The following LRRC53 variants were observed in gnomAD, a reference collection of about 807,000 sequenced individuals.
LRRC53 encodes leucine rich repeat containing 53.
Under a neutral mutation model 13.6 loss-of-function variants are expected in LRRC53, and 25 were observed. The observed-to-expected ratio is 1.83, with a 90% CI of 1.34 to 2.56. LRRC53 has a LOEUF of 2.56. LRRC53 is among the 30% of genes most tolerant of loss of function. The probability of loss-of-function intolerance (pLI) is 0.00; values close to 1 mark genes in which losing one functional copy is unlikely to be tolerated. For missense variants in LRRC53, 527 were observed against 275.8 expected (o/e 1.91, Z -6.45); for synonymous variants, 204 against 109.8 (o/e 1.86, Z -5.37).
chr1:74,530,566 G>T, the LRRC53 span, among the ~76,000 whole-genome samples: 1 of 152,080 alleles, frequency 6.6e-6, no homozygotes, highest in Non-Finnish European at 1.5e-5. Context: ...AGAATTCTAG[G>T]TTATAGTCTT....
chr1:74,528,667 T>C, the LRRC53 span, among the ~76,000 whole-genome samples: 3 of 152,326 alleles, frequency 2.0e-5, no homozygotes, highest in African/African-American at 7.2e-5. Context: ...GAACTGGAGA[T>C]GTTGCTGGAA....
In LRRC53 at chr1:74,498,804, G is replaced by A. The variant is rs377720746; in HGVS notation, c.-27+13722C>T. Among the ~76,000 whole-genome samples, 263 of 152,166 alleles carry A rather than the reference G, an allele frequency of 1.7e-3. 8 individuals are homozygous for A. In the South Asian group the frequency reaches 0.053, roughly 31 times the overall value. ...AAAAGGATAGAATATAGGTGACTAA[G>A]ATGTGTGAGGAGAAAAGTGACTACC... is the stretch of plus-strand genomic sequence containing the variant. On this transcript the variant is annotated intron_variant, in intron 1 of 4. Transcript: ENST00000294635.
intron 1 of LRRC53, among the ~76,000 whole-genome samples, chr1:74,493,772 T>C (rs961669619): frequency 7.2e-5 from 11 of 152,184 alleles, no homozygotes; most frequent in Admixed American, 5.2e-4. Context: ...AGACAAAGGC[T>C]AGTAACTCAA....
chr1:74,522,947 G>T, the LRRC53 span, among the ~76,000 whole-genome samples: 1 of 152,152 alleles, frequency 6.6e-6, no homozygotes, highest in Non-Finnish European at 1.5e-5. Context: ...AAGCCCAACT[G>T]CCCACTGGAA....
chr1:74,510,535 A>G (rs1670135418), intron 1 of LRRC53, among the ~76,000 whole-genome samples: 1 of 152,134 alleles, frequency 6.6e-6, no homozygotes, highest in Non-Finnish European at 1.5e-5. Context: ...GAAAAAAATT[A>G]TTGAGAGATT....
chr1:74,472,215 A>C lies in LRRC53; in HGVS notation c.1421-14T>G, dbSNP rs1667971110. The C allele has an allele frequency of 1.4e-6, 1 of 715,972 alleles. No homozygotes were observed. The highest frequency in any genetic ancestry group is 2.6e-6 in the Non-Finnish European group (1 of 384,338). The allele number at this position is 715,972 out of a possible 1,614,324, so 44.4% of individuals were successfully genotyped here. A position where few individuals can be genotyped will look rare whatever the true frequency, so the allele number is the denominator to read the frequency against. ...CACTGCTGATATCTGTGGAACAATA[A>C]ATGCAAGAATTTAGCACTTAGCAGA... On this transcript the variant is annotated splice_polypyrimidine_tract_variant and intron_variant, in intron 4 of 4. Transcript: ENST00000294635.
intron 3 of LRRC53, among the ~76,000 whole-genome samples, chr1:74,476,886 T>G (rs1053543257): frequency 6.6e-6 from 1 of 152,160 alleles, no homozygotes; most frequent in African/African-American, 2.4e-5. Context: ...TGTTTCTTTT[T>G]TTTCTGTTAA....
chr1:74,497,699 A>G (rs1669401709), intron 1 of LRRC53, among the ~76,000 whole-genome samples: 1 of 151,858 alleles, frequency 6.6e-6, no homozygotes, highest in African/African-American at 2.4e-5. Context: ...AACATCTTTA[A>G]CTTCTCTCCT....
At chr1:74,481,754 A>G (rs1157039857) in intron 2 of LRRC53, among the ~76,000 whole-genome samples, 1 of 152,200 alleles carries the variant, frequency 6.6e-6, no homozygotes, top group Non-Finnish European at 1.5e-5. Context: ...CTCAATAAAG[A>G]AGTATTATAA....
the LRRC53 span, among the ~76,000 whole-genome samples, chr1:74,518,396 G>T: frequency 6.6e-6 from 1 of 151,726 alleles, no homozygotes; most frequent in Non-Finnish European, 1.5e-5. Context: ...CAGCATTTTC[G>T]TTCTTCTTCT....
In LRRC53 at chr1:74,480,766, C is replaced by A. The variant is rs1213264983; in HGVS notation, c.291G>T (p.Ser97=). 1 of 717,322 alleles carries A rather than the reference C, an allele frequency of 1.4e-6. No homozygotes were observed. Among genetic ancestry groups the A allele is most frequent in the Non-Finnish European group, 2.6e-6 (1 of 385,112 alleles). The allele number at this position is 717,322 out of a possible 1,614,324, so 44.4% of individuals were successfully genotyped here. A position where few individuals can be genotyped will look rare whatever the true frequency, so the allele number is the denominator to read the frequency against. Residue 97 remains serine, a synonymous_variant, in exon 3 of 5, where the codon TCG becomes TCT. Coordinates refer to ENST00000294635, the MANE Select transcript of LRRC53 (RefSeq NM_001382280.1). ...LLEHNQISSS[S]LTDHTFSKLH... ...GCTTGCTGAAGGTGTGATCAGTGAG[C>A]GAAGAGCTGGATATTTGGTTGTGCT...
At chr1:74,497,927 A>C (rs762639416) in intron 1 of LRRC53, among the ~76,000 whole-genome samples, 4 of 152,140 alleles carry the variant, frequency 2.6e-5, no homozygotes, top group Non-Finnish European at 5.9e-5. Context: ...AGAGAGTGAT[A>C]CTGTCGCTCT....
chr1:74,479,946 G>A (rs1026268440), intron 3 of LRRC53, among the ~76,000 whole-genome samples: 17 of 152,190 alleles, frequency 1.1e-4, no homozygotes, highest in African/African-American at 3.6e-4. Flanking sequence ...CTGGTCCAGG[G>A]CCCTTTCCTC....
chr1:74,472,813 G>T (rs1293269364), intron 4 of LRRC53, among the ~76,000 whole-genome samples: 1 of 151,982 alleles, frequency 6.6e-6, no homozygotes, highest in Non-Finnish European at 1.5e-5. Context: ...CTTTACCTGG[G>T]ACTTTTAAAA....
chr1:74,534,231 C>A, the LRRC53 span, among the ~76,000 whole-genome samples: 2 of 152,044 alleles, frequency 1.3e-5, no homozygotes, highest in Non-Finnish European at 2.9e-5. Context: ...TCTTAACTTT[C>A]AAGCCATGTA....
upstream of LRRC53, among the ~76,000 whole-genome samples, chr1:74,516,475 T>G (rs749134433): frequency 6.6e-6 from 1 of 152,206 alleles, no homozygotes; most frequent in Non-Finnish European, 1.5e-5. Flanking sequence ...GTCCTTTTAC[T>G]GTGGGGCTTA....
rs1667952859 is a variant in LRRC53, at chr1:74,471,955, C to T, written c.1667G>A (p.Gly556Glu). 9.8e-6 allele frequency: 6 copies of T among 611,248 alleles called. No individual in the cohort carries two copies. The highest frequency in any genetic ancestry group is 5.6e-5 in the African/African-American group (3 of 53,814). 37.9% of individuals were successfully genotyped at this position (611,248 alleles called of 1,614,324 possible). The stretch of plus-strand genomic sequence containing the variant: ...CCTAGGTTTGCTCTGTTTTAACAGT[C>T]CACAAGGATCATCATATTTTGATCT... ...KNRSKYDDPC[G>E]LLKQSKPRYF... is the part of the protein sequence containing the mutation. Residue 556 changes from glycine (G) to glutamate (E), a missense_variant, in exon 5 of 5, where the codon GGA (glycine) becomes GAA (glutamate). Gly to Glu is a moderately conservative substitution (Grantham distance 98). Transcript: ENST00000294635.
At chr1:74,509,587 A>G (rs1670074030) in intron 1 of LRRC53, among the ~76,000 whole-genome samples, 2 of 152,136 alleles carry the variant, frequency 1.3e-5, no homozygotes, top group Admixed American at 1.3e-4. Flanking sequence ...GAGGACAATG[A>G]ATTATGAAAT....
At chr1:74,492,096 G>T (rs2100304367) in intron 1 of LRRC53, 1 of 1,560,008 alleles carries the variant, frequency 6.4e-7, no homozygotes, top group Non-Finnish European at 8.7e-7. Flanking sequence ...CCTCCACTCA[G>T]CTGATGTCTC....
Sources: gnomAD v4.1 joint callset for allele counts (sites outside exome capture counted in the v4.1 genomes callset) on GRCh38, gnomAD v4.1.1 for gene constraint, MANE v1.5 for transcripts, NCBI Gene and HGNC (gene_info 2026-07-23, HGNC 2026-07-21) for gene names.